PTGER3: variants seen among roughly 807,000 people sequenced by gnomAD.
The protein encoded by PTGER3 is prostaglandin E receptor 3, also known as prostaglandin E2 receptor EP3 subtype.
PTGER3 carries 22 observed loss-of-function variants against 34.7 expected under a neutral mutation model. The observed-to-expected ratio is 0.63, with a 90% CI of 0.45 to 0.91. The LOEUF is 0.91. PTGER3 is among the 40% of genes least tolerant of loss of function. PTGER3 has a pLI of 0.00. For missense variants in PTGER3, 468 were observed against 519.4 expected (o/e 0.90, Z 0.96); for synonymous variants, 241 against 230.1 (o/e 1.05, Z -0.43).
At chr1:70,949,641 C>T (rs1650557689), downstream of PTGER3, among the ~76,000 whole-genome samples, 2 of 152,136 alleles carry the variant, frequency 1.3e-5, no homozygotes, top group African/African-American at 4.8e-5. Flanking sequence ...TTTACTGAGA[C>T]TTAACTTGCC....
chr1:71,018,506 GT>G (rs1658117134), intron 1 of PTGER3, among the ~76,000 whole-genome samples: 1 of 152,030 alleles, frequency 6.6e-6, no homozygotes, highest in African/African-American at 2.4e-5. Context: ...TATTAGAAAA[GT>G]TTTGCTTATC....
At chr1:70,988,324 G>A (rs1655113696) in intron 2 of PTGER3, among the ~76,000 whole-genome samples, 1 of 152,120 alleles carries the variant, frequency 6.6e-6, no homozygotes, top group Admixed American at 6.5e-5. Flanking sequence ...CTATGGCAGA[G>A]CCTTCCAATT....
chr1:70,888,290 A>G (rs929530069), intron 4 of PTGER3, among the ~76,000 whole-genome samples: 8 of 152,220 alleles, frequency 5.3e-5, no homozygotes, highest in African/African-American at 7.2e-5. Flanking sequence ...GATAAATAAT[A>G]GGCTTCTGGA....
At chr1:70,940,464 CT>C (rs1379207272) in intron 4 of PTGER3, among the ~76,000 whole-genome samples, 2 of 152,156 alleles carry the variant, frequency 1.3e-5, no homozygotes, top group African/African-American at 4.8e-5. Context: ...CTGTATTAGT[CT>C]GTTTTTATGC....
intron 4 of PTGER3, among the ~76,000 whole-genome samples, chr1:70,943,851 A>AGG (rs1232539055): frequency 6.8e-6 from 1 of 146,156 alleles, no homozygotes; most frequent in African/African-American, 2.5e-5. Context: ...AGAGAGGGAG[A>AGG]GAGAGAGAGA....
intron 2 of PTGER3, among the ~76,000 whole-genome samples, chr1:71,001,362 A>G (rs916202308): frequency 2.0e-5 from 3 of 152,326 alleles, no homozygotes; most frequent in African/African-American, 4.8e-5. Flanking sequence ...AATTAAAGGC[A>G]TAGGATTTAG....
intron 2 of PTGER3, chr1:71,006,560 T>C: frequency 3.1e-6 from 3 of 983,200 alleles, no homozygotes; most frequent in Non-Finnish European, 3.6e-6. Context: ...CAATAATTTA[T>C]AAATGCACTC....
intron 2 of PTGER3, among the ~76,000 whole-genome samples, chr1:70,988,347 C>T (rs1655115755): frequency 6.6e-6 from 1 of 152,148 alleles, no homozygotes; most frequent in Non-Finnish European, 1.5e-5. Flanking sequence ...TTCCTAGCAT[C>T]CACTCTCCTC....
chr1:70,995,148 A>G (rs1213879465), intron 2 of PTGER3, among the ~76,000 whole-genome samples: 1 of 152,182 alleles, frequency 6.6e-6, no homozygotes, highest in African/African-American at 2.4e-5. Context: ...GGTAGGTGTC[A>G]TTTGAGCTGG....
At chr1:70,852,904 C>T (rs754927558) in intron 4 of PTGER3, 2 of 1,574,680 alleles carry the variant, frequency 1.3e-6, no homozygotes, top group East Asian at 2.2e-5. Flanking sequence ...AATAAATGCA[C>T]TGTTAATATC....
rs917248165 is a variant in PTGER3, at chr1:71,044,688, T to C, written c.897+1993A>G. On this transcript the variant is annotated intron_variant, in intron 1 of 3. Coordinates refer to ENST00000306666, the MANE Select transcript of PTGER3 (RefSeq NM_198719.2). ...TTTCTTTCTGAGGCCACCATACTTT[T>C]GGTACTAGAATTAAAGTGTCTAAAT... Among the ~76,000 whole-genome samples, 12 of 152,270 alleles carry C rather than the reference T, an allele frequency of 7.9e-5. No homozygotes were observed. In the South Asian group the frequency reaches 1.9e-3, roughly 24 times the overall value.
chr1:70,913,150 C>G (rs936845920), intron 4 of PTGER3, among the ~76,000 whole-genome samples: 2 of 151,826 alleles, frequency 1.3e-5, no homozygotes. Context: ...CTTATTTAGG[C>G]CTCCTTTAAA....
chr1:70,874,600 CCTT>C (rs1362989863), intron 4 of PTGER3, among the ~76,000 whole-genome samples: 2 of 151,872 alleles, frequency 1.3e-5, no homozygotes, highest in South Asian at 2.1e-4. Flanking sequence ...CTGAATCTGC[CCTT>C]CTTTGTTTTC....
At position 71,047,298 on chromosome 1, in the gene PTGER3, A is replaced by C. The variant is rs764742109; in HGVS notation, c.280T>G (p.Trp94Gly). Residue 94 changes from tryptophan to glycine, a missense_variant, in exon 1 of 4, where the codon TGG becomes GGG. Trp to Gly is a radical substitution (Grantham distance 184, BLOSUM62 -2). Transcript: ENST00000306666. Reference protein sequence around the residue: ...RKKSFLLCIGWLALTDLVGQL... With the variant: ...RKKSFLLCIGGLALTDLVGQL... ...CCGACCAGGTCGGTGAGCGCCAGCC[A>C]GCCGATGCACAGCAGGAAGGACTTC... 82 of 1,603,144 alleles carry C rather than the reference A, an allele frequency of 5.1e-5. 1 individual carries two copies. The highest frequency in any genetic ancestry group is 5.9e-5 in the Non-Finnish European group (69 of 1,175,574).
chr1:71,012,096 A>T, intron 2 of PTGER3: 1 of 1,499,778 alleles, frequency 6.7e-7, no homozygotes, highest in South Asian at 1.4e-5. Flanking sequence ...ATTTAGCTTT[A>T]TACCAAAAAT....
chr1:70,930,905 C>G (rs1159871282), intron 4 of PTGER3, among the ~76,000 whole-genome samples: 1 of 152,136 alleles, frequency 6.6e-6, no homozygotes, highest in African/African-American at 2.4e-5. Flanking sequence ...ATCATGCCTT[C>G]CCAACAGTTC....
intron 1 of PTGER3, among the ~76,000 whole-genome samples, chr1:71,020,711 T>A (rs1447086068): frequency 6.6e-6 from 1 of 151,630 alleles, no homozygotes; most frequent in African/African-American, 2.4e-5. Context: ...TGTGTGTGTG[T>A]GTGTGTGTGT....
At chr1:70,978,222 T>G (rs1425668654) in intron 2 of PTGER3, among the ~76,000 whole-genome samples, 1 of 152,158 alleles carries the variant, frequency 6.6e-6, no homozygotes, top group African/African-American at 2.4e-5. Flanking sequence ...ACTAGTCTCT[T>G]AGAAACTTTT....
intron 1 of PTGER3, among the ~76,000 whole-genome samples, chr1:71,025,657 C>T (rs939966633): frequency 2.0e-5 from 3 of 152,272 alleles, no homozygotes; most frequent in African/African-American, 7.2e-5. Flanking sequence ...GCAACTAATG[C>T]TTATATAATA....
Sources: allele counts gnomAD v4.1 joint callset (sites outside exome capture counted in the v4.1 genomes callset), GRCh38; gene constraint gnomAD v4.1.1; transcripts MANE v1.5; gene names NCBI Gene and HGNC (gene_info 2026-07-23, HGNC 2026-07-21).